Variants in RABGAP1L observed in about 807,000 individuals in gnomAD.
The protein encoded by RABGAP1L is rab GTPase-activating protein 1-like.
RABGAP1L carries 63 observed loss-of-function variants against 137.7 expected under a neutral mutation model. The ratio of observed to expected loss-of-function variants is 0.46; its 90% CI spans 0.37 to 0.56. The LOEUF (loss-of-function observed/expected upper bound fraction) is 0.56, where lower values mean the gene tolerates loss of function less well. Ranked by LOEUF, RABGAP1L falls within the 20% of genes least tolerant of loss-of-function variation. The pLI, the probability that RABGAP1L is intolerant of heterozygous loss-of-function variation, is 0.00. For synonymous variants in RABGAP1L, 431 were observed against 433.7 expected (o/e 0.99, Z 0.08); for missense variants, 1,095 against 1,244.0 (o/e 0.88, Z 1.80).
chr1:174,727,806 T>G (rs941606017), intron 17 of RABGAP1L, among the ~76,000 whole-genome samples: 1 of 152,194 alleles, frequency 6.6e-6, no homozygotes. Flanking sequence ...GCACAATTAT[T>G]ATGTGTTACT....
At chr1:174,923,643 G>T (rs1033806808) in intron 19 of RABGAP1L, among the ~76,000 whole-genome samples, 5 of 152,108 alleles carry the variant, frequency 3.3e-5, no homozygotes, top group African/African-American at 9.7e-5. Flanking sequence ...AGCACTTTGG[G>T]AGCCCAGGCG....
chr1:174,375,563 A>C (rs1480029912), intron 12 of RABGAP1L, among the ~76,000 whole-genome samples: 1 of 152,168 alleles, frequency 6.6e-6, no homozygotes, highest in African/African-American at 2.4e-5. Context: ...CAAGGATATA[A>C]AATAATATTA....
At chr1:174,261,206 T>C (rs774940332) in intron 7 of RABGAP1L, among the ~76,000 whole-genome samples, 1 of 152,100 alleles carries the variant, frequency 6.6e-6, no homozygotes, top group Non-Finnish European at 1.5e-5. Context: ...ACAACTCAAT[T>C]TGCAGTGAGT....
chr1:174,910,013 T>G (rs1307023980), intron 19 of RABGAP1L, among the ~76,000 whole-genome samples: 1 of 151,890 alleles, frequency 6.6e-6, no homozygotes, highest in Non-Finnish European at 1.5e-5. Context: ...GTGGCGGGTG[T>G]CTGTAGTCCC....
chr1:174,670,163 A>G (rs760747851), intron 14 of RABGAP1L, among the ~76,000 whole-genome samples: 1 of 152,108 alleles, frequency 6.6e-6, no homozygotes, highest in Non-Finnish European at 1.5e-5. Flanking sequence ...TCATCAATAT[A>G]TTACAGTTTT....
intron 1 of RABGAP1L, among the ~76,000 whole-genome samples, chr1:174,171,602 C>T (rs1390087352): frequency 2.6e-5 from 4 of 151,490 alleles, no homozygotes; most frequent in Admixed American, 6.6e-5. Context: ...TACATAACTG[C>T]GAGTTTGTAC....
At chr1:174,743,018 C>G (rs1259315731) in intron 17 of RABGAP1L, among the ~76,000 whole-genome samples, 1 of 152,090 alleles carries the variant, frequency 6.6e-6, no homozygotes, top group Non-Finnish European at 1.5e-5. Flanking sequence ...TACCACAACA[C>G]CAGGGGTTCA....
intron 7 of RABGAP1L, among the ~76,000 whole-genome samples, chr1:174,254,472 A>G (rs770511090): frequency 6.6e-6 from 1 of 151,930 alleles, no homozygotes; most frequent in African/African-American, 2.4e-5. Flanking sequence ...ATTTGTCCTA[A>G]TGCTCTCCCT....
At chr1:174,613,301 C>T (rs2148222825) in intron 13 of RABGAP1L, among the ~76,000 whole-genome samples, 1 of 152,240 alleles carries the variant, frequency 6.6e-6, no homozygotes, top group Admixed American at 6.5e-5. Flanking sequence ...TTTCTGCCTT[C>T]ATTTTGTTAT....
At chr1:174,318,732 A>C (rs1408325404) in intron 11 of RABGAP1L, among the ~76,000 whole-genome samples, 1 of 148,048 alleles carries the variant, frequency 6.8e-6, no homozygotes, top group Non-Finnish European at 1.5e-5. Flanking sequence ...TTATTTCCTT[A>C]CTTTTTATCT....
At chr1:174,456,084 T>A (rs961870057) in intron 13 of RABGAP1L, among the ~76,000 whole-genome samples, 3 of 152,234 alleles carry the variant, frequency 2.0e-5, no homozygotes, top group Admixed American at 1.3e-4. Flanking sequence ...TCTATGTGAA[T>A]TTTTTTCTTT....
chr1:174,872,365 T>G (rs983231439), intron 19 of RABGAP1L, among the ~76,000 whole-genome samples: 2 of 152,174 alleles, frequency 1.3e-5, no homozygotes, highest in Admixed American at 6.5e-5. Context: ...GTTACTAGAC[T>G]ATTCTGAAAT....
intron 7 of RABGAP1L, among the ~76,000 whole-genome samples, chr1:174,269,482 G>C (rs1674372232): frequency 6.6e-6 from 1 of 152,124 alleles, no homozygotes; most frequent in Non-Finnish European, 1.5e-5. Flanking sequence ...GTAGCTATGT[G>C]GCTTTGGGCA....
chr1:174,694,353 C>T (rs1464925902), intron 15 of RABGAP1L, among the ~76,000 whole-genome samples: 1 of 150,002 alleles, frequency 6.7e-6, no homozygotes, highest in Non-Finnish European at 1.5e-5. Flanking sequence ...TCCCCCCTCC[C>T]CCCAACCCAC....
chr1:174,287,505 T>C (rs1323088646), intron 10 of RABGAP1L, among the ~76,000 whole-genome samples: 1 of 152,174 alleles, frequency 6.6e-6, no homozygotes, highest in Non-Finnish European at 1.5e-5. Flanking sequence ...TTGTTTTTGT[T>C]TTGAGAAGGA....
At chr1:174,779,469 A>ATCCT (rs1314931562) in intron 18 of RABGAP1L, among the ~76,000 whole-genome samples, 1 of 152,206 alleles carries the variant, frequency 6.6e-6, no homozygotes, top group Non-Finnish European at 1.5e-5. Flanking sequence ...ATCCCCTAGG[A>ATCCT]GAGCAAGTGA....
chr1:174,409,984 C>G (rs961695709), intron 13 of RABGAP1L, among the ~76,000 whole-genome samples: 8 of 152,184 alleles, frequency 5.3e-5, no homozygotes, highest in Non-Finnish European at 1.2e-4. Context: ...GCCCTGTGAT[C>G]TTTATTGGCC....
intron 13 of RABGAP1L, among the ~76,000 whole-genome samples, chr1:174,543,551 T>G (rs1665690872): frequency 1.3e-5 from 2 of 152,360 alleles, no homozygotes; most frequent in Admixed American, 6.5e-5. Context: ...TTTATCCAAT[T>G]TAACAGTCTG....
At chr1:174,915,323 C>T (rs1660676494) in intron 19 of RABGAP1L, among the ~76,000 whole-genome samples, 1 of 152,180 alleles carries the variant, frequency 6.6e-6, no homozygotes, top group African/African-American at 2.4e-5. Context: ...TCCATATCCT[C>T]AACAACACTT....
Sources: allele counts gnomAD v4.1 joint callset (sites outside exome capture counted in the v4.1 genomes callset), GRCh38; gene constraint gnomAD v4.1.1; transcripts MANE v1.5; gene names NCBI Gene and HGNC (gene_info 2026-07-23, HGNC 2026-07-21).